The following DPF3 variants were observed in gnomAD, a reference collection of about 807,000 sequenced individuals.
DPF3 encodes the protein double PHD fingers 3.
Under a neutral mutation model 56.8 loss-of-function variants are expected in DPF3, and 18 were observed. The ratio of observed to expected loss-of-function variants is 0.32; its 90% CI spans 0.22 to 0.47. DPF3 has a LOEUF of 0.47. DPF3 is among the 20% of genes least tolerant of loss of function. The pLI, the probability that DPF3 is intolerant of heterozygous loss-of-function variation, is 1.00. For missense variants in DPF3, 403 were observed against 488.8 expected (o/e 0.82, Z 1.65); for synonymous variants, 188 against 180.2 (o/e 1.04, Z -0.35).
intron 8 of DPF3, among the ~76,000 whole-genome samples, chr14:72,630,026 CGA>C (rs1341577116): frequency 6.6e-6 from 1 of 152,064 alleles, no homozygotes; most frequent in Non-Finnish European, 1.5e-5. Context: ...TCAGAGAGAA[CGA>C]GAGAGGAAAC....
At chr14:72,807,571 G>A (rs1882839141) in intron 1 of DPF3, among the ~76,000 whole-genome samples, 1 of 152,174 alleles carries the variant, frequency 6.6e-6, no homozygotes, top group East Asian at 1.9e-4. Flanking sequence ...GGGTACAGTT[G>A]GCTCACGCCT....
chr14:72,709,626 A>G (rs1215721588), intron 6 of DPF3, among the ~76,000 whole-genome samples: 1 of 152,128 alleles, frequency 6.6e-6, no homozygotes, highest in African/African-American at 2.4e-5. Context: ...GAGCATATGT[A>G]AGGGGCAGTT....
intron 1 of DPF3, among the ~76,000 whole-genome samples, chr14:72,793,097 C>T (rs573838692): frequency 3.3e-5 from 5 of 152,100 alleles, no homozygotes; most frequent in Non-Finnish European, 7.3e-5. Flanking sequence ...ATGATTAGGT[C>T]CAATTAATTT....
chr14:72,715,662 C>T (rs1186443221), intron 5 of DPF3, among the ~76,000 whole-genome samples: 4 of 151,976 alleles, frequency 2.6e-5, no homozygotes, highest in African/African-American at 7.3e-5. Context: ...TCCATGTACA[C>T]ACTCACCGGG....
rs113289792 is a variant in DPF3, at chr14:72,663,739, G to A, written c.871+10501C>T. Among the ~76,000 whole-genome samples, 196 of 152,238 alleles carry A rather than the reference G, an allele frequency of 1.3e-3. 2 individuals are homozygous for A. Among genetic ancestry groups the A allele is most frequent in the Middle Eastern group, 6.8e-3 (2 of 294 alleles). On this transcript the variant is annotated intron_variant, in intron 8 of 10. Coordinates refer to ENST00000556509, the MANE Select transcript of DPF3 (RefSeq NM_001280542.3). ...AGATCACATTAAGCTGAGCGATAAG[G>A]GAGGGAGAAGAGGGAGAATGGGCCT...
chr14:72,889,765 C>A (rs1379440437), intron 1 of DPF3, among the ~76,000 whole-genome samples: 1 of 152,224 alleles, frequency 6.6e-6, no homozygotes, highest in Non-Finnish European at 1.5e-5. Flanking sequence ...TGCTGTTTGA[C>A]TTGGCTAAGT....
chr14:72,623,050 A>C (rs1473851813), intron 9 of DPF3, among the ~76,000 whole-genome samples: 1 of 152,268 alleles, frequency 6.6e-6, no homozygotes, highest in African/African-American at 2.4e-5. Context: ...AGATATTCAG[A>C]GAAAACAAGC....
rs79513088 is a variant in DPF3, at chr14:72,613,895, G to A, written c.*5402C>T. 0.072 allele frequency among the ~76,000 whole-genome samples: 10,904 copies of A among 152,236 alleles called. 576 individuals carry two copies. Among genetic ancestry groups the A allele is most frequent in the Middle Eastern group, 0.22 (63 of 290 alleles). ...AGAGGCTCTAAGGCAGTTCCCACTCGCTCTGCCTGGGAGGTTGTCTATCCT... is the reference window on the plus strand; with the variant it reads ...AGAGGCTCTAAGGCAGTTCCCACTCACTCTGCCTGGGAGGTTGTCTATCCT... On this transcript the variant is annotated 3_prime_UTR_variant, in exon 11 of 11. Transcript: ENST00000556509.
rs766396428 is a variant in DPF3 at position 72,718,771 on chromosome 14, A to ATTTTTTTTTTTTTTTTTTT, written c.526-4271_526-4270insAAAAAAAAAAAAAAAAAAA. On this transcript the variant is annotated intron_variant, in intron 5 of 10. Transcript: ENST00000556509. ...AGAACCACTGCTCTACACCCTTGCT[A>ATTTTTTTTTTTTTTTTTTT]TTTTTTTTTTTTTTGAGACGGAGTC... Among the ~76,000 whole-genome samples the ATTTTTTTTTTTTTTTTTTT allele has an allele frequency of 6.4e-5, 6 of 93,892 alleles. 2 individuals carry two copies. The highest frequency in any genetic ancestry group is 7.7e-5 in the Non-Finnish European group (4 of 52,134). The allele number at this position is 93,892 out of a possible 152,430, so 61.6% of individuals were successfully genotyped here.
intron 5 of DPF3, among the ~76,000 whole-genome samples, chr14:72,722,773 C>G (rs145662420): frequency 7.1e-4 from 108 of 152,362 alleles, no homozygotes; most frequent in Non-Finnish European, 1.3e-3. Flanking sequence ...ACGGCCACCA[C>G]AGAAAGCCCC....
At chr14:72,748,082 A>G (rs1890401690) in intron 3 of DPF3, among the ~76,000 whole-genome samples, 1 of 152,256 alleles carries the variant, frequency 6.6e-6, no homozygotes, top group African/African-American at 2.4e-5. Flanking sequence ...AGAGGTTGGA[A>G]AAGTTTGGAC....
chr14:72,813,850 G>T (rs985668431), intron 1 of DPF3, among the ~76,000 whole-genome samples: 1 of 152,184 alleles, frequency 6.6e-6, no homozygotes, highest in Admixed American at 6.5e-5. Context: ...ATGACGGCTG[G>T]TCCCCCTCCT....
At chr14:72,664,392 C>T (rs1886357041) in intron 8 of DPF3, among the ~76,000 whole-genome samples, 1 of 152,158 alleles carries the variant, frequency 6.6e-6, no homozygotes, top group African/African-American at 2.4e-5. Context: ...GAAAATCATG[C>T]GTGAGTCCCA....
At chr14:72,621,569 A>C (rs896291450) in intron 9 of DPF3, among the ~76,000 whole-genome samples, 6 of 152,186 alleles carry the variant, frequency 3.9e-5, no homozygotes, top group African/African-American at 1.4e-4. Flanking sequence ...GCTTTTGAAG[A>C]GTTATCAACA....
intron 5 of DPF3, among the ~76,000 whole-genome samples, chr14:72,723,290 G>A (rs935943767): frequency 6.6e-6 from 1 of 151,910 alleles, no homozygotes; most frequent in African/African-American, 2.4e-5. Flanking sequence ...ACAGCACCAG[G>A]GACAAGGCAG....
rs1883715699 is a variant in DPF3 at position 72,611,409 on chromosome 14, G to C, written c.*7888C>G. Among the ~76,000 whole-genome samples the C allele has an allele frequency of 6.6e-6, 1 of 152,238 alleles. No homozygotes were observed. The highest frequency in any genetic ancestry group is 6.5e-5 in the Admixed American group (1 of 15,278). On this transcript the variant is annotated 3_prime_UTR_variant, in exon 11 of 11. Transcript: ENST00000556509. ...AAGGTTTGCTGAAAACCTCTCTGAT[G>C]CTGGGTTTCATCCCTGCACACACCA...
intron 1 of DPF3, among the ~76,000 whole-genome samples, chr14:72,885,507 C>T (rs1470561678): frequency 6.6e-6 from 1 of 151,942 alleles, no homozygotes; most frequent in African/African-American, 2.4e-5. Flanking sequence ...GGGCTCAAGC[C>T]ATCTTCCTGC....
chr14:72,768,595 T>G (rs1891385543), intron 2 of DPF3, among the ~76,000 whole-genome samples: 2 of 152,216 alleles, frequency 1.3e-5, no homozygotes, highest in African/African-American at 4.8e-5. Context: ...AACTGCAAAT[T>G]GCAAATACAG....
At chr14:72,683,603 G>A (rs1887265263) in intron 7 of DPF3, among the ~76,000 whole-genome samples, 1 of 152,154 alleles carries the variant, frequency 6.6e-6, no homozygotes, top group South Asian at 2.1e-4. Flanking sequence ...GCTCAGCTAA[G>A]GTCACACGTT....
Sources: allele counts gnomAD v4.1 joint callset (sites outside exome capture counted in the v4.1 genomes callset), GRCh38; gene constraint gnomAD v4.1.1; transcripts MANE v1.5; gene names NCBI Gene and HGNC (gene_info 2026-07-23, HGNC 2026-07-21).